Variants in ORAI2 observed in about 807,000 individuals in gnomAD.
ORAI2 encodes the protein ORAI calcium release-activated calcium modulator 2.
Under a neutral mutation model 16.2 loss-of-function variants are expected in ORAI2, and 10 were observed. The ratio of observed to expected loss-of-function variants is 0.62; its 90% CI spans 0.38 to 1.04. ORAI2 has a LOEUF of 1.04. ORAI2 is among the 50% of genes least tolerant of loss of function. The probability of loss-of-function intolerance (pLI) is 0.01; values close to 1 mark genes in which losing one functional copy is unlikely to be tolerated. For synonymous variants in ORAI2, 150 were observed against 157.5 expected (o/e 0.95, Z 0.35); for missense variants, 238 against 355.5 (o/e 0.67, Z 2.66).
chr7:102,437,142 A>G (rs1210593826), intron 2 of ORAI2, among the ~76,000 whole-genome samples: 2 of 152,154 alleles, frequency 1.3e-5, no homozygotes, highest in Non-Finnish European at 2.9e-5. Context: ...GTGTTAGTCA[A>G]ACCAGATGTT....
chr7:102,444,356 G>A (rs909966249), intron 3 of ORAI2, among the ~76,000 whole-genome samples: 2 of 151,642 alleles, frequency 1.3e-5, no homozygotes, highest in Non-Finnish European at 2.9e-5. Flanking sequence ...AGATTCAAGC[G>A]ATTCTCCTGC....
chr7:102,438,142 G>A (rs1185625264), intron 2 of ORAI2, among the ~76,000 whole-genome samples: 2 of 152,094 alleles, frequency 1.3e-5, no homozygotes, highest in Non-Finnish European at 2.9e-5. Context: ...GAGGTCAGGA[G>A]TTTGAGACCA....
rs1380638140 is a variant in ORAI2 at position 102,437,528 on chromosome 7, C to T, written c.-14+1195C>T. ...TACTCGGGAGGCTGAGGCAGGAGAA[C>T]GGCTTCAACCCAGGAGGCGGAGGTT... On this transcript the variant is annotated intron_variant, in intron 2 of 3. Transcript: ENST00000495936. Among the ~76,000 whole-genome samples, 6 of 152,112 alleles carry T rather than the reference C, an allele frequency of 3.9e-5. No homozygotes were observed. In the Middle Eastern group the frequency reaches 0.014, roughly 347 times the overall value.
At chr7:102,440,605 G>A (rs1001330818) in intron 3 of ORAI2, among the ~76,000 whole-genome samples, 30 of 152,020 alleles carry the variant, frequency 2.0e-4, no homozygotes, top group African/African-American at 7.0e-4. Flanking sequence ...TGTGATCATG[G>A]CTCACTGCAG....
intron 3 of ORAI2, among the ~76,000 whole-genome samples, chr7:102,441,830 C>T (rs1797212481): frequency 1.3e-5 from 2 of 152,040 alleles, no homozygotes; most frequent in Non-Finnish European, 1.5e-5. Flanking sequence ...ATTAGATTAG[C>T]ATAGCGCCAT....
intron 3 of ORAI2, among the ~76,000 whole-genome samples, chr7:102,444,502 C>CTG (rs563535088): frequency 2.3e-5 from 2 of 86,776 alleles, no homozygotes; most frequent in Non-Finnish European, 5.5e-5. Context: ...ATCCGCCCCC[C>CTG]CCCGCCCCCC....
At chr7:102,435,710 C>T (rs1346951725) in intron 1 of ORAI2, among the ~76,000 whole-genome samples, 4 of 151,972 alleles carry the variant, frequency 2.6e-5, no homozygotes, top group African/African-American at 9.7e-5. Flanking sequence ...TCTCAGCTCA[C>T]TGCAACCTCC....
intron 3 of ORAI2, among the ~76,000 whole-genome samples, chr7:102,443,253 CCTCA>C (rs1274935280): frequency 2.5e-4 from 38 of 150,024 alleles, no homozygotes; most frequent in African/African-American, 8.6e-4. Flanking sequence ...GTGTGAGCCA[CCTCA>C]CTCAGCCCCT....
At chr7:102,434,337 C>A (rs1198892312) in intron 1 of ORAI2, among the ~76,000 whole-genome samples, 1 of 152,122 alleles carries the variant, frequency 6.6e-6, no homozygotes, top group Non-Finnish European at 1.5e-5. Context: ...TGGATTTGAA[C>A]CCCCTCCTGG....
rs79148324 is a variant in ORAI2, at chr7:102,444,453, A to G, written c.226-2060A>G. Among the ~76,000 whole-genome samples, 1,327 of 151,228 alleles carry G rather than the reference A, an allele frequency of 8.8e-3. 25 individuals are homozygous for G. The highest frequency in any genetic ancestry group is 0.03 in the African/African-American group (1,250 of 41,150). On this transcript the variant is annotated intron_variant, in intron 3 of 3. Coordinates refer to ENST00000495936, the MANE Select transcript of ORAI2 (RefSeq NM_001126340.3). ...TTTTTCACAGAGAAAGAGTTTTGCCATATTGGCCAGGCTGGTCTCCAACTC... is the reference window on the plus strand; with the variant it reads ...TTTTTCACAGAGAAAGAGTTTTGCCGTATTGGCCAGGCTGGTCTCCAACTC...
chr7:102,446,906 G>A lies in ORAI2; in HGVS notation c.619G>A (p.Val207Met), dbSNP rs149386719. Residue 207 changes from valine to methionine, a missense_variant, in exon 4 of 4, where the codon GTG (valine) becomes ATG (methionine). Physicochemically the swap from Val to Met is conservative, Grantham distance 21 (BLOSUM62 1). Transcript: ENST00000495936. ...ALVSTIIMVPVGLIFVVFTIH... is the reference protein window; with the variant it reads ...ALVSTIIMVPMGLIFVVFTIH... ...GGTGTCCACCATCATCATGGTGCCC[G>A]TGGGCCTCATCTTCGTGGTCTTCAC... The A allele has an allele frequency of 9.3e-6, 15 of 1,613,126 alleles. No individual in the cohort carries two copies. The highest frequency in any genetic ancestry group is 1.6e-4 in the Middle Eastern group (1 of 6,084).
At chr7:102,440,186 C>T (rs1242121126) in intron 3 of ORAI2, among the ~76,000 whole-genome samples, 2 of 152,186 alleles carry the variant, frequency 1.3e-5, no homozygotes, top group Non-Finnish European at 2.9e-5. Flanking sequence ...TCAGGCACCA[C>T]CCAAAAGTTT....
intron 3 of ORAI2, 119 bp from the exon 4 acceptor site, chr7:102,446,394 C>A: frequency 9.5e-7 from 1 of 1,056,196 alleles, no homozygotes; most frequent in Non-Finnish European, 1.3e-6. Flanking sequence ...AGCAGGCAAG[C>A]CCATGGCTAC....
At chr7:102,436,398 G>C in intron 2 of ORAI2, 65 bp downstream of exon 2, 1 of 953,356 alleles carries the variant, frequency 1.0e-6, no homozygotes, top group Non-Finnish European at 1.2e-6. Context: ...GGCCAGGGAA[G>C]GCTGTGGCTT....
chr7:102,446,149 A>G (rs1386028676), intron 3 of ORAI2, among the ~76,000 whole-genome samples: 3 of 152,156 alleles, frequency 2.0e-5, no homozygotes, highest in South Asian at 4.2e-4. Flanking sequence ...GGGTTTCACC[A>G]TGTTGGCCAG....
At chr7:102,438,870 A>G in intron 2 of ORAI2, 74 bp from the exon 3 acceptor site, 2 of 1,432,650 alleles carry the variant, frequency 1.4e-6, no homozygotes, top group Non-Finnish European at 2.0e-6. Context: ...CTGTAGGTTG[A>G]ATGGGCTTGG....
Position 102,451,943 on chromosome 7 carries a change from G to A in ORAI2, c.*4891G>A, listed in dbSNP as rs574051330. 2.0e-5 allele frequency: 3 copies of A among 152,272 alleles called. No homozygotes were observed. The highest frequency in any genetic ancestry group is 1.3e-4 in the Admixed American group (2 of 15,280). The allele number at this position is 152,272 out of a possible 1,614,324, so 9.4% of individuals were successfully genotyped here. A position where few individuals can be genotyped will look rare whatever the true frequency, so the allele number is the denominator to read the frequency against. On this transcript the variant is annotated 3_prime_UTR_variant, in exon 4 of 4. Transcript: ENST00000495936. Reference sequence around the variant, plus strand: ...AGAAACAAAAGAAGGGGCAGCCCCAGAGGGTGGCTGAGCGACAACAGAGCC... The same window carrying A: ...AGAAACAAAAGAAGGGGCAGCCCCAAAGGGTGGCTGAGCGACAACAGAGCC...
Position 102,449,333 on chromosome 7 carries a change from G to GT in ORAI2, c.*2282dup, listed in dbSNP as rs754962949. The GT allele has an allele frequency of 3.9e-5, 6 of 152,254 alleles. No individual in the cohort carries two copies. Among genetic ancestry groups the GT allele is most frequent in the Non-Finnish European group, 7.3e-5 (5 of 68,084 alleles). 9.4% of individuals were successfully genotyped at this position (152,254 alleles called of 1,614,324 possible). The stretch of plus-strand genomic sequence containing the variant: ...CATCCCAGCACTTTGGGAGGCTGAG[G>GT]TGGGAGGATCACTTGGGCCCAGGGG... On this transcript the variant is annotated 3_prime_UTR_variant, in exon 4 of 4. Coordinates refer to ENST00000495936, the MANE Select transcript of ORAI2 (RefSeq NM_001126340.3).
rs1682740414 is a variant in ORAI2, at chr7:102,447,227, A to G, written c.*175A>G. 4.0e-6 allele frequency: 3 copies of G among 751,452 alleles called. No homozygotes were observed. Among genetic ancestry groups the G allele is most frequent in the South Asian group, 1.9e-5 (1 of 51,918 alleles). The allele number at this position is 751,452 out of a possible 1,614,324, so 46.5% of individuals were successfully genotyped here. On this transcript the variant is annotated 3_prime_UTR_variant, in exon 4 of 4. Transcript: ENST00000495936. Reference sequence around the variant, plus strand: ...TCCTGAGATAGAACCGTTTGGTTCAATGAGGGACTGTGTTGCTAAGAGCGT... The same window carrying G: ...TCCTGAGATAGAACCGTTTGGTTCAGTGAGGGACTGTGTTGCTAAGAGCGT...
Sources: allele counts gnomAD v4.1 joint callset (sites outside exome capture counted in the v4.1 genomes callset), GRCh38; gene constraint gnomAD v4.1.1; transcripts MANE v1.5; gene names NCBI Gene and HGNC (gene_info 2026-07-23, HGNC 2026-07-21).